Variants in COA1 observed in about 807,000 individuals in gnomAD.
The protein encoded by COA1 is cytochrome c oxidase assembly factor 1.
In COA1, 13 loss-of-function variants were observed where a neutral mutation model predicts 16.0. That is an observed-to-expected ratio of 0.81 (90% confidence interval 0.53 to 1.29). The LOEUF is 1.29. Ranked by LOEUF, COA1 falls within the 50% of genes most tolerant of loss-of-function variation. The pLI is 0.00. For synonymous variants in COA1, 65 were observed against 65.7 expected (o/e 0.99, Z 0.05); for missense variants, 179 against 177.0 (o/e 1.01, Z -0.06).
chr7:43,699,573 G>C (rs1212162064), intron 1 of COA1, among the ~76,000 whole-genome samples: 1 of 152,132 alleles, frequency 6.6e-6, no homozygotes, highest in Non-Finnish European at 1.5e-5. Context: ...CAGCAAAACT[G>C]TCACGCAGAC....
At chr7:43,693,717 A>G (rs1452989683) in intron 1 of COA1, among the ~76,000 whole-genome samples, 2 of 151,952 alleles carry the variant, frequency 1.3e-5, no homozygotes, top group Non-Finnish European at 2.9e-5. Flanking sequence ...CTTCGAATAT[A>G]CCCTCAACTA....
rs754243316 is a variant in COA1 at position 43,700,527 on chromosome 7, CAGAT to C, written c.-39+28898_-39+28901del. ...TAATCAGCTTTTATAAAAATGTAGG[CAGAT>C]ATATATATATATATATACATACACG... is the stretch of plus-strand genomic sequence containing the variant. On this transcript the variant is annotated intron_variant, in intron 1 of 5. Transcript: ENST00000223336. 5.8e-5 allele frequency among the ~76,000 whole-genome samples: 8 copies of C among 139,118 alleles called. No individual in the cohort carries two copies. The East Asian group carries it at 1.2e-3, about 21-fold the overall frequency. The allele number at this position is 139,118 out of a possible 152,430, so 91.3% of individuals were successfully genotyped here.
chr7:43,704,396 A>T (rs1440599974), intron 1 of COA1, among the ~76,000 whole-genome samples: 1 of 152,198 alleles, frequency 6.6e-6, no homozygotes, highest in African/African-American at 2.4e-5. Context: ...CACGGAAGAT[A>T]TCCTCAATTA....
At chr7:43,675,960 C>T (rs534927467) in intron 1 of COA1, among the ~76,000 whole-genome samples, 4 of 152,186 alleles carry the variant, frequency 2.6e-5, no homozygotes, top group African/African-American at 9.6e-5. Context: ...TATTAAGAGA[C>T]CCTTAACAGA....
At chr7:43,667,004 C>T (rs547268013) in intron 1 of COA1, among the ~76,000 whole-genome samples, 1 of 152,272 alleles carries the variant, frequency 6.6e-6, no homozygotes, top group South Asian at 2.1e-4. Flanking sequence ...GAAAATTTCA[C>T]CTCCCAGTCA....
At chr7:43,638,566 CTTTT>C (rs746584234), downstream of COA1, among the ~76,000 whole-genome samples, 8 of 97,422 alleles carry the variant, frequency 8.2e-5, no homozygotes, top group East Asian at 1.3e-3. Context: ...TTTTTCTTTC[CTTTT>C]TTTTTTTTTT....
intron 1 of COA1, among the ~76,000 whole-genome samples, chr7:43,699,759 G>C (rs1047064282): frequency 5.3e-5 from 8 of 152,152 alleles, no homozygotes; most frequent in Non-Finnish European, 1.0e-4. Flanking sequence ...AGCTATCTTA[G>C]AAGTTATGGC....
At chr7:43,721,479 C>CA (rs910572904) in intron 1 of COA1, among the ~76,000 whole-genome samples, 17 of 150,096 alleles carry the variant, frequency 1.1e-4, no homozygotes, top group South Asian at 2.1e-4. Context: ...ATGAATTTCT[C>CA]AAAAAAAAAT....
At chr7:43,668,147 C>T (rs1317871163) in intron 1 of COA1, among the ~76,000 whole-genome samples, 1 of 151,978 alleles carries the variant, frequency 6.6e-6, no homozygotes, top group Non-Finnish European at 1.5e-5. Flanking sequence ...TTGGGGAGTA[C>T]TGGCCTCATA....
At chr7:43,728,013 C>G (rs1420980404) in intron 1 of COA1, among the ~76,000 whole-genome samples, 5 of 147,530 alleles carry the variant, frequency 3.4e-5, no homozygotes, top group Non-Finnish European at 3.0e-5. Flanking sequence ...CTAGCTCTCT[C>G]GCCCAGGCTG....
intron 1 of COA1, among the ~76,000 whole-genome samples, chr7:43,667,573 T>C (rs2092967121): frequency 6.6e-6 from 1 of 152,178 alleles, no homozygotes; most frequent in Non-Finnish European, 1.5e-5. Context: ...TCACAGACAA[T>C]TGTCTTGCTT....
intron 6 of COA1, chr7:43,632,748 C>G (rs941363059): frequency 6.6e-6 from 1 of 152,150 alleles, no homozygotes; most frequent in Non-Finnish European, 1.5e-5. Flanking sequence ...AGGGTTTCAC[C>G]ATGTTGCCCA....
chr7:43,694,985 T>C (rs1015758949), intron 1 of COA1, among the ~76,000 whole-genome samples: 1 of 150,396 alleles, frequency 6.6e-6, no homozygotes, highest in African/African-American at 2.4e-5. Context: ...AACTTTGTAC[T>C]TTTTCTCTCA....
intron 1 of COA1, among the ~76,000 whole-genome samples, chr7:43,705,399 C>A (rs936079980): frequency 6.6e-6 from 1 of 152,170 alleles, no homozygotes. Context: ...GGGTCTGGGT[C>A]CATTTGCAAA....
chr7:43,709,524 A>G (rs1368696797), intron 1 of COA1, among the ~76,000 whole-genome samples: 1 of 151,948 alleles, frequency 6.6e-6, no homozygotes, highest in African/African-American at 2.4e-5. Context: ...ATTTACTGAA[A>G]TATATTGTCA....
chr7:43,663,701 A>C (rs549550071), intron 1 of COA1, among the ~76,000 whole-genome samples: 56 of 149,884 alleles, frequency 3.7e-4, no homozygotes, highest in Middle Eastern at 3.4e-3. Flanking sequence ...CACACACAAA[A>C]AAAAACCTAA....
At chr7:43,725,131 G>A (rs551303814) in intron 1 of COA1, among the ~76,000 whole-genome samples, 61 of 152,170 alleles carry the variant, frequency 4.0e-4, no homozygotes, top group African/African-American at 1.2e-3. Context: ...CCAGCTACTC[G>A]GGAGGCTGAG....
intron 6 of COA1, chr7:43,624,510 CTT>C (rs758223728): frequency 6.2e-7 from 1 of 1,605,438 alleles, no homozygotes; most frequent in South Asian, 1.1e-5. Flanking sequence ...AAACATGTAT[CTT>C]TACAGAGATC....
intron 1 of COA1, among the ~76,000 whole-genome samples, chr7:43,651,689 TAAAAAAAA>T (rs539990413): frequency 0.16 from 17,305 of 107,162 alleles, 1,108 homozygotes; most frequent in East Asian, 0.33. Context: ...AGGAAGAGCT[TAAAAAAAA>T]AAAAAAAAAA....
Sources: gnomAD v4.1 joint callset for allele counts (sites outside exome capture counted in the v4.1 genomes callset) on GRCh38, gnomAD v4.1.1 for gene constraint, MANE v1.5 for transcripts, NCBI Gene and HGNC (gene_info 2026-07-23, HGNC 2026-07-21) for gene names.